ZMYND19: variants seen among roughly 807,000 people sequenced by gnomAD.
The protein encoded by ZMYND19 is zinc finger MYND domain-containing protein 19.
In ZMYND19, 17 loss-of-function variants were observed where a neutral mutation model predicts 32.0. The ratio of observed to expected loss-of-function variants is 0.53; its 90% CI spans 0.36 to 0.80. ZMYND19 has a LOEUF of 0.80. Ranked by LOEUF, ZMYND19 falls within the 30% of genes least tolerant of loss-of-function variation. The pLI, the probability that ZMYND19 is intolerant of heterozygous loss-of-function variation, is 0.00. For synonymous variants in ZMYND19, 124 were observed against 113.6 expected (o/e 1.09, Z -0.58); for missense variants, 250 against 293.6 (o/e 0.85, Z 1.09).
chr9:137,588,599 CGT>C, intron 2 of ZMYND19, 58 bp downstream of exon 2: 1 of 1,586,682 alleles, frequency 6.3e-7, no homozygotes, highest in Non-Finnish European at 8.7e-7. Flanking sequence ...GCTCGTTCCT[CGT>C]GACCCTCCTG....
At chr9:137,583,982 C>A (rs930997891) in intron 4 of ZMYND19, among the ~76,000 whole-genome samples, 6 of 152,236 alleles carry the variant, frequency 3.9e-5, no homozygotes, top group Admixed American at 1.3e-4. Flanking sequence ...CACAGGGAGG[C>A]CACAGACTGG....
rs554783427 is a variant in ZMYND19, at chr9:137,585,014, C to G, written c.360-1851G>C. Among the ~76,000 whole-genome samples the G allele has an allele frequency of 7.5e-4, 115 of 152,326 alleles. 1 individual carries two copies. The highest frequency in any genetic ancestry group is 3.4e-3 in the Middle Eastern group (1 of 294). On this transcript the variant is annotated intron_variant, in intron 4 of 5. Coordinates refer to ENST00000298585, the MANE Select transcript of ZMYND19 (RefSeq NM_138462.3). ...TCCCCGAAAGAATAAAAACCCCATT[C>G]AACAATCGTAAGAGGCCTGGCTTCA... is the stretch of plus-strand genomic sequence containing the variant.
rs564579895 is a variant in ZMYND19, at chr9:137,590,145, C to CGCCCCCGGCCCCG, written c.51+55_51+67dup. On this transcript the variant is annotated intron_variant, in intron 1 of 5. Transcript: ENST00000298585. The surrounding 1 kb of genome is among the most constrained non-coding windows in gnomAD (Gnocchi z 4.2). ...CCGCCCCGGCCGCCGCCCGCACAAC[C>CGCCCCCGGCCCCG]GCCCCCGGCCCCGCGCGGAGGCCTG... The CGCCCCCGGCCCCG allele has an allele frequency of 0.16, 158,125 of 985,464 alleles. 16,705 individuals are homozygous for CGCCCCCGGCCCCG. Among genetic ancestry groups the CGCCCCCGGCCCCG allele is most frequent in the African/African-American group, 0.49 (27,633 of 56,258 alleles). The allele number at this position is 985,464 out of a possible 1,614,324, so 61.0% of individuals were successfully genotyped here.
At chr9:137,588,327 C>T (rs1296536300) in intron 2 of ZMYND19, among the ~76,000 whole-genome samples, 1 of 152,238 alleles carries the variant, frequency 6.6e-6, no homozygotes, top group Non-Finnish European at 1.5e-5. Flanking sequence ...AGAGCAGGGT[C>T]TTCGAGCTAA....
rs1352239505 is a variant in ZMYND19 at position 137,590,465 on chromosome 9, C to G, written c.-202G>C. The G allele has an allele frequency of 6.1e-6, 1 of 163,118 alleles. No individual in the cohort carries two copies. The highest frequency in any genetic ancestry group is 1.2e-5 in the Non-Finnish European group (1 of 80,648). The allele number at this position is 163,118 out of a possible 1,614,324, so 10.1% of individuals were successfully genotyped here. ...CGCGCCCGCCGGACCTGCCACGCGC[C>G]GCCGCCGCCGCCGCCACCGCCACCG... On this transcript the variant is annotated 5_prime_UTR_variant, in exon 1 of 6. Coordinates refer to ENST00000298585, the MANE Select transcript of ZMYND19 (RefSeq NM_138462.3). This position sits in a 1 kb window ranked among gnomAD's most constrained non-coding sequence, Gnocchi z 4.2.
chr9:137,589,662 G>C, intron 1 of ZMYND19: 5 of 985,468 alleles, frequency 5.1e-6, no homozygotes, highest in Non-Finnish European at 6.0e-6. Context: ...CTTCCTCTCT[G>C]CTCCGAGTCT....
intron 3 of ZMYND19, chr9:137,587,491 G>GC (rs1198387976): frequency 7.3e-5 from 44 of 605,138 alleles, no homozygotes; most frequent in Non-Finnish European, 1.2e-4. Flanking sequence ...TCCAGAGGCT[G>GC]CCGGTCCTGG....
chr9:137,588,620 C>A, intron 2 of ZMYND19, 39 bp downstream of exon 2: 2 of 1,612,110 alleles, frequency 1.2e-6, no homozygotes, highest in Non-Finnish European at 1.7e-6. Flanking sequence ...TGGGCACTGA[C>A]CACGAGCATC....
intron 5 of ZMYND19, 144 bp downstream of exon 5, chr9:137,582,839 G>C: frequency 2.7e-6 from 4 of 1,504,512 alleles, no homozygotes; most frequent in Non-Finnish European, 3.6e-6. Flanking sequence ...CAAGGGCAAA[G>C]GGAGACCACT....
chr9:137,590,154 C>T lies in ZMYND19; in HGVS notation c.51+59G>A. ...CCGCCGCCCGCACAACCGCCCCCGG[C>T]CCCGCGCGGAGGCCTGGACGGGCGA... On this transcript the variant is annotated intron_variant, in intron 1 of 5. Transcript: ENST00000298585. This position sits in a 1 kb window ranked among gnomAD's most constrained non-coding sequence, Gnocchi z 4.2. 1.0e-6 allele frequency: 1 copy of T among 996,258 alleles called. No homozygotes were observed. The highest frequency in any genetic ancestry group is 1.2e-6 in the Non-Finnish European group (1 of 837,414). The allele number at this position is 996,258 out of a possible 1,614,324, so 61.7% of individuals were successfully genotyped here. A position where few individuals can be genotyped will look rare whatever the true frequency, so the allele number is the denominator to read the frequency against.
intron 3 of ZMYND19, 73 bp downstream of exon 3, chr9:137,587,644 C>T (rs1389355111): frequency 5.7e-6 from 8 of 1,401,276 alleles, no homozygotes; most frequent in Admixed American, 3.4e-5. Flanking sequence ...CAGGGGGCTC[C>T]AGGCGCCCTG....
intron 4 of ZMYND19, among the ~76,000 whole-genome samples, chr9:137,585,526 G>A (rs1433427244): frequency 6.6e-6 from 1 of 151,462 alleles, no homozygotes; most frequent in Non-Finnish European, 1.5e-5. Context: ...TTAATTTAAT[G>A]AAATAAACAG....
chr9:137,589,349 A>G, intron 1 of ZMYND19: 2 of 985,424 alleles, frequency 2.0e-6, no homozygotes, highest in South Asian at 9.4e-5. Flanking sequence ...CAGGTCCCAG[A>G]ACGGGCCAGT....
At chr9:137,583,562 ACTC>A (rs775538569) in intron 4 of ZMYND19, among the ~76,000 whole-genome samples, 4 of 150,778 alleles carry the variant, frequency 2.7e-5, no homozygotes, top group African/African-American at 4.9e-5. Flanking sequence ...CCGTCTAAAA[ACTC>A]CTCCTGCTTG....
Position 137,588,447 on chromosome 9 carries a change from T to A in ZMYND19, c.111+212A>T, listed in dbSNP as rs559868314. Among the ~76,000 whole-genome samples, 7 of 92,990 alleles carry A rather than the reference T, an allele frequency of 7.5e-5. No homozygotes were observed. The East Asian group carries it at 1.7e-3, about 22-fold the overall frequency. The allele number at this position is 92,990 out of a possible 152,430, so 61.0% of individuals were successfully genotyped here. On this transcript the variant is annotated intron_variant, in intron 2 of 5. Coordinates refer to ENST00000298585, the MANE Select transcript of ZMYND19 (RefSeq NM_138462.3). ...GGAAGACCACTGTCGCCAGGCCATG[T>A]GGGCCACAGTGGGCTCCAGTGGCAG... is the stretch of plus-strand genomic sequence containing the variant.
intron 1 of ZMYND19, chr9:137,589,981 G>A (rs899975566): frequency 4.1e-6 from 4 of 985,168 alleles, no homozygotes; most frequent in South Asian, 9.4e-5. Flanking sequence ...GGGCAGGGCC[G>A]AGGGTGGCCA....
intron 4 of ZMYND19, 92 bp downstream of exon 4, chr9:137,586,875 G>A (rs751761246): frequency 4.5e-6 from 7 of 1,543,594 alleles, no homozygotes; most frequent in Non-Finnish European, 6.2e-6. Flanking sequence ...CTCAGAGGAG[G>A]AACAGGAGAC....
chr9:137,587,006 C>T lies in ZMYND19; in HGVS notation c.320G>A (p.Gly107Asp). ...GGTCTCTTCAGCCTTGGGCCGCCAG[C>T]CCCACGGCACCAGTTGCAGGTTGTC... ...RLDNLQLVPW[G>D]WRPKAEETSS... Residue 107 changes from glycine (G) to aspartate (D), a missense_variant, in exon 4 of 6, where the codon GGC (glycine) becomes GAC (aspartate). Transcript: ENST00000298585. The T allele has an allele frequency of 6.2e-7, 1 of 1,612,466 alleles. No homozygotes were observed. Among genetic ancestry groups the T allele is most frequent in the Non-Finnish European group, 8.5e-7 (1 of 1,180,014 alleles).
At chr9:137,585,134 G>C (rs1328838588) in intron 4 of ZMYND19, among the ~76,000 whole-genome samples, 2 of 152,044 alleles carry the variant, frequency 1.3e-5, no homozygotes, top group Non-Finnish European at 2.9e-5. Context: ...TCAAGAGGCT[G>C]AAGCGGGGCC....
Sources: allele counts gnomAD v4.1 joint callset (sites outside exome capture counted in the v4.1 genomes callset), GRCh38; gene constraint gnomAD v4.1.1; non-coding constraint Gnocchi (gnomAD v3.1); transcripts MANE v1.5; gene names NCBI Gene and HGNC (gene_info 2026-07-23, HGNC 2026-07-21).